The following COL14A1 variants were observed in gnomAD, a reference collection of about 807,000 sequenced individuals.
COL14A1 encodes collagen alpha-1(XIV) chain.
In COL14A1, 136 loss-of-function variants were observed where a neutral mutation model predicts 230.3. The observed-to-expected ratio is 0.59, with a 90% CI of 0.51 to 0.68. The LOEUF is 0.68. Among genes scored for constraint, COL14A1 ranks in the 30% least tolerant of loss-of-function variants. The pLI, the probability that COL14A1 is intolerant of heterozygous loss-of-function variation, is 0.00. For synonymous variants in COL14A1, 792 were observed against 784.1 expected (o/e 1.01, Z -0.17); for missense variants, 1,976 against 2,215.8 (o/e 0.89, Z 2.17).
intron 2 of COL14A1, among the ~76,000 whole-genome samples, chr8:120,152,159 A>C (rs1321817267): frequency 3.9e-5 from 6 of 152,146 alleles, no homozygotes; most frequent in African/African-American, 1.4e-4. Context: ...ACGATAATCA[A>C]CGAATATAGC....
At chr8:120,171,532 A>G (rs949707408) in intron 5 of COL14A1, among the ~76,000 whole-genome samples, 1 of 152,168 alleles carries the variant, frequency 6.6e-6, no homozygotes. Context: ...AATCATTTCA[A>G]AGACATTTTA....
rs113161581 is a variant in COL14A1 at position 120,282,268 on chromosome 8, T to C, written c.3824+1209T>C. ...CCTTATTCTTGTTTCTATCTCTGGA[T>C]CCCCAGCAAATTAGATGGTGTCTGT... On this transcript the variant is annotated intron_variant, in intron 31 of 47. Transcript: ENST00000297848. Among the ~76,000 whole-genome samples, 100 of 152,298 alleles carry C rather than the reference T, an allele frequency of 6.6e-4. No individual in the cohort carries two copies. The Middle Eastern group carries it at 0.01, about 16-fold the overall frequency.
chr8:120,158,194 G>A lies in COL14A1; in HGVS notation c.153G>A (p.Lys51=). The change falls in exon 3 of 48, where the codon AAG becomes AAA. Residue 51 remains lysine, a synonymous_variant. Coordinates refer to ENST00000297848, the MANE Select transcript of COL14A1 (RefSeq NM_021110.4). ...ISHDSIQISW[K]APRGKFGGYK... is the part of the protein sequence containing the mutation. Reference sequence around the variant, plus strand: ...ATGACAGTATACAGATTTCATGGAAGGCTCCAAGAGGGAAATTTGGTGGTT... The same window carrying A: ...ATGACAGTATACAGATTTCATGGAAAGCTCCAAGAGGGAAATTTGGTGGTT... 1 of 1,610,680 alleles carries A rather than the reference G, an allele frequency of 6.2e-7. No individual in the cohort carries two copies. The highest frequency in any genetic ancestry group is 8.5e-7 in the Non-Finnish European group (1 of 1,177,860).
At chr8:120,176,420 G>T (rs555217829) in intron 5 of COL14A1, among the ~76,000 whole-genome samples, 17 of 152,088 alleles carry the variant, frequency 1.1e-4, no homozygotes, top group Non-Finnish European at 2.2e-4. Flanking sequence ...TATTTTTGAG[G>T]TATATTTTCA....
At chr8:120,313,910 A>G in intron 37 of COL14A1, 22 bp from the exon 38 acceptor site, 1 of 1,525,726 alleles carries the variant, frequency 6.6e-7, no homozygotes, top group Non-Finnish European at 9.0e-7. Flanking sequence ...TTTTAGGATG[A>G]TACTTCTCTC....
intron 40 of COL14A1, among the ~76,000 whole-genome samples, chr8:120,322,376 TTAAAA>T (rs1367091027): frequency 1.3e-5 from 2 of 152,108 alleles, no homozygotes; most frequent in Non-Finnish European, 2.9e-5. Flanking sequence ...ACTCTGGAAC[TTAAAA>T]TAAAAATAAA....
chr8:120,362,328 A>G (rs1244028423), intron 45 of COL14A1, among the ~76,000 whole-genome samples: 2 of 152,224 alleles, frequency 1.3e-5, no homozygotes, highest in Non-Finnish European at 2.9e-5. Context: ...CATGTGAAGC[A>G]GCTGGCATCC....
At chr8:120,310,141 G>A (rs1820989656) in intron 37 of COL14A1, 79 bp downstream of exon 37, 10 of 1,455,992 alleles carry the variant, frequency 6.9e-6, no homozygotes, top group East Asian at 2.3e-5. Flanking sequence ...GGAGCTAAAT[G>A]TGACTTATTT....
At position 120,373,190 on chromosome 8, in the gene COL14A1, C is replaced by T. The variant is rs1053994274; in HGVS notation, c.*1959C>T. Among the ~76,000 whole-genome samples the T allele has an allele frequency of 6.6e-6, 1 of 152,168 alleles. No individual in the cohort carries two copies. The highest frequency in any genetic ancestry group is 1.5e-5 in the Non-Finnish European group (1 of 68,032). Reference sequence around the variant, plus strand: ...AATACCATGTCACTCAGAAGACTCTCAAAGTTTGTGTATAAATGGCGAAGT... The same window carrying T: ...AATACCATGTCACTCAGAAGACTCTTAAAGTTTGTGTATAAATGGCGAAGT... On this transcript the variant is annotated 3_prime_UTR_variant, in exon 48 of 48. Coordinates refer to ENST00000297848, the MANE Select transcript of COL14A1 (RefSeq NM_021110.4).
intron 34 of COL14A1, among the ~76,000 whole-genome samples, chr8:120,293,688 A>G (rs1024263261): frequency 6.6e-6 from 1 of 151,870 alleles, no homozygotes; most frequent in Non-Finnish European, 1.5e-5. Context: ...TGATAATTAT[A>G]GAATAAAGGC....
intron 1 of COL14A1, among the ~76,000 whole-genome samples, chr8:120,144,788 T>C (rs1386729129): frequency 6.6e-6 from 1 of 152,132 alleles, no homozygotes; most frequent in Non-Finnish European, 1.5e-5. Flanking sequence ...CTTTTCTATA[T>C]TAAAAACGAA....
At chr8:120,198,409 C>T (rs921724018) in intron 7 of COL14A1, among the ~76,000 whole-genome samples, 1 of 151,982 alleles carries the variant, frequency 6.6e-6, no homozygotes, top group Non-Finnish European at 1.5e-5. Context: ...GGATCTTTGG[C>T]TCACAGTATT....
At chr8:120,128,228 CGTGTGT>C (rs33988612) in intron 1 of COL14A1, among the ~76,000 whole-genome samples, 3,353 of 146,686 alleles carry the variant, frequency 0.023, 88 homozygotes, top group African/African-American at 0.067. Flanking sequence ...TGTGCGCGCG[CGTGTGT>C]GTGTGTGTGT....
At chr8:120,187,093 C>T (rs560538728) in intron 5 of COL14A1, among the ~76,000 whole-genome samples, 119 of 152,298 alleles carry the variant, frequency 7.8e-4, no homozygotes, top group Non-Finnish European at 8.7e-4. Context: ...CAAAAGTTAT[C>T]TTCTGTCAGC....
intron 3 of COL14A1, among the ~76,000 whole-genome samples, chr8:120,158,510 C>T (rs1815554812): frequency 6.6e-6 from 1 of 152,092 alleles, no homozygotes; most frequent in South Asian, 2.1e-4. Context: ...AAAATGAATA[C>T]TTTGAATTCA....
intron 20 of COL14A1, 47 bp downstream of exon 20, chr8:120,244,055 GA>G: frequency 6.3e-7 from 1 of 1,593,470 alleles, no homozygotes; most frequent in Non-Finnish European, 8.5e-7. Flanking sequence ...TCATTAAATG[GA>G]AATGCTTGTC....
At chr8:120,156,174 C>CTTT (rs67203803) in intron 2 of COL14A1, among the ~76,000 whole-genome samples, 3 of 148,164 alleles carry the variant, frequency 2.0e-5, no homozygotes, top group Admixed American at 6.7e-5. Flanking sequence ...AGGGTGACTT[C>CTTT]TTTTTTTTTT....
At chr8:120,257,935 G>A (rs1433118066) in intron 23 of COL14A1, among the ~76,000 whole-genome samples, 2 of 152,116 alleles carry the variant, frequency 1.3e-5, no homozygotes, top group Admixed American at 6.6e-5. Context: ...AGTCTCTACT[G>A]TAACCACAAC....
At chr8:120,276,771 A>G (rs1339546812) in intron 26 of COL14A1, among the ~76,000 whole-genome samples, 2 of 151,990 alleles carry the variant, frequency 1.3e-5, no homozygotes, top group Non-Finnish European at 2.9e-5. Context: ...CCAACATGGC[A>G]CATGTATACA....
Sources: gnomAD v4.1 joint callset for allele counts (sites outside exome capture counted in the v4.1 genomes callset) on GRCh38, gnomAD v4.1.1 for gene constraint, MANE v1.5 for transcripts, NCBI Gene and HGNC (gene_info 2026-07-23, HGNC 2026-07-21) for gene names.